Variants in OLFM3 observed in about 807,000 individuals in gnomAD.
OLFM3 encodes the protein noelin-3.
OLFM3 carries 20 observed loss-of-function variants against 48.6 expected under a neutral mutation model. The ratio of observed to expected loss-of-function variants is 0.41; its 90% CI spans 0.29 to 0.60. The LOEUF (loss-of-function observed/expected upper bound fraction) is 0.60, where lower values mean the gene tolerates loss of function less well. Ranked by LOEUF, OLFM3 falls within the 20% of genes least tolerant of loss-of-function variation. OLFM3 has a pLI of 0.28. For missense variants in OLFM3, 437 were observed against 544.3 expected (o/e 0.80, Z 1.96); for synonymous variants, 222 against 198.1 (o/e 1.12, Z -1.01).
chr1:101,979,420 G>T lies in OLFM3; in HGVS notation c.69+17328C>A, dbSNP rs13376218. ...GTGGAGGTAATTGGATCATGGGGGC[G>T]GTTTCTCCCATGCTGTTCTCGTGAT... On this transcript the variant is annotated intron_variant, in intron 1 of 5. Coordinates refer to ENST00000370103, the MANE Select transcript of OLFM3 (RefSeq NM_058170.4). Among the ~76,000 whole-genome samples, 4 of 152,082 alleles carry T rather than the reference G, an allele frequency of 2.6e-5. No individual in the cohort carries two copies. In the East Asian group the frequency reaches 7.7e-4, roughly 29 times the overall value.
intron 1 of OLFM3, among the ~76,000 whole-genome samples, chr1:101,991,739 T>C (rs1234475133): frequency 6.7e-6 from 1 of 150,158 alleles, no homozygotes; most frequent in African/African-American, 2.5e-5. Context: ...GAATGATCTC[T>C]TCAGGGGAGC....
intron 1 of OLFM3, among the ~76,000 whole-genome samples, chr1:101,855,013 G>A (rs1354606117): frequency 1.3e-5 from 2 of 152,090 alleles, no homozygotes; most frequent in Admixed American, 6.6e-5. Flanking sequence ...ATGGAAGAAA[G>A]CATAAGCACA....
At chr1:101,812,088 A>G (rs1406816324) in intron 4 of OLFM3, among the ~76,000 whole-genome samples, 1 of 152,092 alleles carries the variant, frequency 6.6e-6, no homozygotes, top group Non-Finnish European at 1.5e-5. Context: ...CACAAGGACA[A>G]AAAACCAAAC....
chr1:101,926,614 G>A (rs1191737535), intron 1 of OLFM3, among the ~76,000 whole-genome samples: 1 of 152,154 alleles, frequency 6.6e-6, no homozygotes, highest in Non-Finnish European at 1.5e-5. Context: ...AGTATACAAA[G>A]TCTCTAGTAC....
intron 1 of OLFM3, among the ~76,000 whole-genome samples, chr1:101,980,031 T>C (rs1430043306): frequency 6.6e-6 from 1 of 152,100 alleles, no homozygotes; most frequent in Non-Finnish European, 1.5e-5. Context: ...GATTTCAGAG[T>C]TGGGTAGGGC....
At chr1:101,849,497 C>G (rs191534126) in intron 1 of OLFM3, among the ~76,000 whole-genome samples, 23 of 152,306 alleles carry the variant, frequency 1.5e-4, no homozygotes, top group African/African-American at 5.5e-4. Flanking sequence ...TGGACTTTAT[C>G]TTCTATGTAA....
intron 1 of OLFM3, among the ~76,000 whole-genome samples, chr1:101,988,095 A>C (rs940776188): frequency 2.0e-5 from 3 of 152,078 alleles, no homozygotes; most frequent in African/African-American, 7.2e-5. Context: ...ATAAGTGTAT[A>C]TACTAAGATA....
chr1:101,834,300 A>T (rs1655298219), intron 2 of OLFM3, among the ~76,000 whole-genome samples: 1 of 152,238 alleles, frequency 6.6e-6, no homozygotes, highest in Non-Finnish European at 1.5e-5. Flanking sequence ...ACTTAGAAAG[A>T]TAACTATCCC....
At chr1:101,812,144 T>C (rs910323908) in intron 4 of OLFM3, among the ~76,000 whole-genome samples, 4 of 151,472 alleles carry the variant, frequency 2.6e-5, no homozygotes, top group Non-Finnish European at 4.4e-5. Flanking sequence ...ATGAGAACAC[T>C]TGGACACAGG....
intron 1 of OLFM3, 78 bp from the exon 2 acceptor site, chr1:101,837,103 G>C: frequency 1.4e-6 from 2 of 1,385,690 alleles, no homozygotes; most frequent in Non-Finnish European, 2.0e-6. Flanking sequence ...AGCATTTCAA[G>C]TAAAACACTT....
intron 1 of OLFM3, among the ~76,000 whole-genome samples, chr1:101,905,098 C>T (rs1436481336): frequency 1.3e-5 from 2 of 152,114 alleles, no homozygotes; most frequent in East Asian, 3.9e-4. Context: ...CTCATCAGAA[C>T]ATATATTTTG....
intron 1 of OLFM3, among the ~76,000 whole-genome samples, chr1:101,947,870 A>G (rs920696315): frequency 2.0e-5 from 3 of 152,182 alleles, no homozygotes; most frequent in African/African-American, 4.8e-5. Context: ...GACTAAATCA[A>G]TTTCTGTATT....
intron 1 of OLFM3, among the ~76,000 whole-genome samples, chr1:101,918,367 T>TG (rs1658990631): frequency 3.3e-5 from 5 of 152,152 alleles, no homozygotes; most frequent in Non-Finnish European, 5.9e-5. Context: ...ATAGGTATCG[T>TG]GGGGCTGAAA....
intron 1 of OLFM3, among the ~76,000 whole-genome samples, chr1:101,919,318 ACTTT>A (rs974346432): frequency 5.3e-5 from 8 of 151,974 alleles, no homozygotes; most frequent in Non-Finnish European, 1.0e-4. Context: ...ATTTTTTTGA[ACTTT>A]CTATTTCCAA....
chr1:101,851,724 C>T (rs1570562559), intron 1 of OLFM3, among the ~76,000 whole-genome samples: 1 of 152,094 alleles, frequency 6.6e-6, no homozygotes, highest in Non-Finnish European at 1.5e-5. Flanking sequence ...GTCCCATTAC[C>T]ATATCTGCTT....
intron 1 of OLFM3, among the ~76,000 whole-genome samples, chr1:101,883,385 T>G (rs1490403944): frequency 6.6e-6 from 1 of 151,448 alleles, no homozygotes; most frequent in Non-Finnish European, 1.5e-5. Context: ...TTCAAAAATG[T>G]AGAAATTCAG....
chr1:101,988,179 A>G (rs1322695501), intron 1 of OLFM3, among the ~76,000 whole-genome samples: 1 of 152,118 alleles, frequency 6.6e-6, no homozygotes, highest in Non-Finnish European at 1.5e-5. Context: ...TATAGGTAAT[A>G]TATGAATTTA....
At chr1:101,976,960 TC>T (rs748721434) in intron 1 of OLFM3, among the ~76,000 whole-genome samples, 8 of 152,108 alleles carry the variant, frequency 5.3e-5, no homozygotes, top group South Asian at 4.1e-4. Context: ...GGAGTGTATA[TC>T]CCCCTAGCTC....
chr1:101,803,992 C>CCT lies in OLFM3; in HGVS notation c.*245_*246insAG, dbSNP rs1653625143. 3.8e-6 allele frequency: 1 copy of CCT among 262,202 alleles called. No homozygotes were observed. The highest frequency in any genetic ancestry group is 7.1e-6 in the Non-Finnish European group (1 of 141,560). The allele number at this position is 262,202 out of a possible 1,614,324, so 16.2% of individuals were successfully genotyped here. A position where few individuals can be genotyped will look rare whatever the true frequency, so the allele number is the denominator to read the frequency against. On this transcript the variant is annotated 3_prime_UTR_variant, in exon 6 of 6. Transcript: ENST00000370103. ...AACTATGACTTTAGCCACTTAAACT[C>CCT]TTTTTTTTTTTAGTGCTTTTCATGA... is the stretch of plus-strand genomic sequence containing the variant.
Sources: gnomAD v4.1 joint callset for allele counts (sites outside exome capture counted in the v4.1 genomes callset) on GRCh38, gnomAD v4.1.1 for gene constraint, MANE v1.5 for transcripts, NCBI Gene and HGNC (gene_info 2026-07-23, HGNC 2026-07-21) for gene names.